The following KIAA0753 variants were observed in gnomAD, a reference collection of about 807,000 sequenced individuals.
KIAA0753 encodes KIAA0753, also known as protein moonraker.
KIAA0753 carries 114 observed loss-of-function variants against 116.9 expected under a neutral mutation model. The ratio of observed to expected loss-of-function variants is 0.98; its 90% CI spans 0.84 to 1.14. The LOEUF (loss-of-function observed/expected upper bound fraction) is 1.14, where lower values mean the gene tolerates loss of function less well. Ranked by LOEUF, KIAA0753 falls within the 50% of genes most tolerant of loss-of-function variation. KIAA0753 has a pLI of 0.00. For synonymous variants in KIAA0753, 405 were observed against 413.1 expected, an observed-to-expected ratio of 0.98 and a Z score of 0.24; for missense variants, 1,156 against 1,172.4, an observed-to-expected ratio of 0.99 and a Z score of 0.20.
At chr17:6,597,578 C>T (rs1336999430) in intron 14 of KIAA0753, among the ~76,000 whole-genome samples, 1 of 152,102 alleles carries the variant, frequency 6.6e-6, no homozygotes, top group East Asian at 1.9e-4. Flanking sequence ...AAAATTTTGG[C>T]CATGTGTATG....
At chr17:6,605,688 G>C (rs922951677) in intron 12 of KIAA0753, among the ~76,000 whole-genome samples, 9 of 151,988 alleles carry the variant, frequency 5.9e-5, no homozygotes, top group Admixed American at 2.0e-4. Context: ...ATCAACACAA[G>C]AATCAGGACA....
At chr17:6,635,784 AG>A (rs138869051) in intron 1 of KIAA0753, 12,773 of 152,268 alleles carry the variant, frequency 0.084, 584 homozygotes, top group Non-Finnish European at 0.11. Flanking sequence ...TAAGCTATCA[AG>A]GGCTACACCC....
chr17:6,623,779 T>C (rs1192178574), intron 4 of KIAA0753: 11 of 527,952 alleles, frequency 2.1e-5, no homozygotes, highest in Non-Finnish European at 3.0e-5. Flanking sequence ...GTGTTCACCT[T>C]CCATCCCTTC....
chr17:6,582,027 T>C (rs923755298), intron 18 of KIAA0753, among the ~76,000 whole-genome samples: 49 of 152,332 alleles, frequency 3.2e-4, no homozygotes, highest in Admixed American at 2.4e-3. Flanking sequence ...GCACCTCTGC[T>C]TCTGGGCCTT....
intron 7 of KIAA0753, 44 bp downstream of exon 7, chr17:6,620,744 G>GT: frequency 6.3e-7 from 1 of 1,579,814 alleles, no homozygotes. Flanking sequence ...CCAGATAATT[G>GT]TAATGAATAA....
intron 8 of KIAA0753, among the ~76,000 whole-genome samples, chr17:6,611,585 C>G (rs1369026840): frequency 6.6e-6 from 1 of 152,122 alleles, no homozygotes. Context: ...AGACACCACA[C>G]CCGGCAGGAA....
In KIAA0753 at chr17:6,578,368, A is replaced by G. The variant is rs991064269; in HGVS notation, c.*1379T>C. 1 of 152,196 alleles carries G rather than the reference A, an allele frequency of 6.6e-6. No homozygotes were observed. Among genetic ancestry groups the G allele is most frequent in the Non-Finnish European group, 1.5e-5 (1 of 68,032 alleles). The allele number at this position is 152,196 out of a possible 1,614,324, so 9.4% of individuals were successfully genotyped here. On this transcript the variant is annotated 3_prime_UTR_variant, in exon 19 of 19. Coordinates refer to ENST00000361413, the MANE Select transcript of KIAA0753 (RefSeq NM_014804.3). ...TTATTTTAAAAACTCAGCACAGTAC[A>G]AACTGCCACACAAATTACTTTATAC...
chr17:6,587,616 A>G (rs1440538021), intron 18 of KIAA0753, among the ~76,000 whole-genome samples: 3 of 152,226 alleles, frequency 2.0e-5, no homozygotes, highest in Non-Finnish European at 4.4e-5. Flanking sequence ...AGTCGCGTTT[A>G]CTTCTTCTCT....
intron 12 of KIAA0753, among the ~76,000 whole-genome samples, chr17:6,605,088 GAAAAA>G (rs35631503): frequency 1.3e-5 from 1 of 75,830 alleles, no homozygotes; most frequent in East Asian, 3.5e-4. Flanking sequence ...TCTCTAACTT[GAAAAA>G]AAAAAAAAAA....
At chr17:6,626,120 T>C (rs747855243) in intron 3 of KIAA0753, among the ~76,000 whole-genome samples, 20 of 152,246 alleles carry the variant, frequency 1.3e-4, no homozygotes, top group Admixed American at 3.9e-4. Flanking sequence ...TTGTACACAC[T>C]GGTACTCTAT....
At chr17:6,622,536 T>C (rs1192904978) in intron 6 of KIAA0753, among the ~76,000 whole-genome samples, 3 of 152,278 alleles carry the variant, frequency 2.0e-5, no homozygotes. Flanking sequence ...ACACTGATAT[T>C]CTAATCTAAG....
At chr17:6,587,022 G>A (rs914777063) in intron 18 of KIAA0753, among the ~76,000 whole-genome samples, 2 of 152,086 alleles carry the variant, frequency 1.3e-5, no homozygotes, top group African/African-American at 4.8e-5. Flanking sequence ...ATCACCTGAG[G>A]TTATGAGTTC....
intron 3 of KIAA0753, among the ~76,000 whole-genome samples, chr17:6,626,197 A>C (rs1971655936): frequency 6.6e-6 from 1 of 151,530 alleles, no homozygotes; most frequent in African/African-American, 2.4e-5. Flanking sequence ...CAATCTATCT[A>C]TTCCTTCCAG....
intron 10 of KIAA0753, 115 bp downstream of exon 10, chr17:6,608,233 T>C: frequency 2.1e-6 from 1 of 472,386 alleles, no homozygotes; most frequent in East Asian, 3.3e-5. Context: ...TTAAAAATAA[T>C]CTACATTTTA....
chr17:6,606,605 G>C (rs1156272950), intron 12 of KIAA0753, among the ~76,000 whole-genome samples: 1 of 152,242 alleles, frequency 6.6e-6, no homozygotes, highest in East Asian at 1.9e-4. Context: ...TACCTTTGAG[G>C]GTAGTCCAAA....
chr17:6,638,620 CT>C, intron 1 of KIAA0753: 1 of 154,072 alleles, frequency 6.5e-6, no homozygotes, highest in Non-Finnish European at 1.4e-5. Context: ...AGCCTGCCTC[CT>C]TTCCCACGGG....
chr17:6,638,767 A>G (rs1972487554), intron 1 of KIAA0753: 1 of 152,868 alleles, frequency 6.5e-6, no homozygotes, highest in African/African-American at 2.4e-5. Context: ...GGCTCCAGGT[A>G]CCACCACAGC....
At chr17:6,628,899 C>G (rs1455288129) in intron 2 of KIAA0753, among the ~76,000 whole-genome samples, 158 bp from the exon 3 acceptor site, 1 of 152,152 alleles carries the variant, frequency 6.6e-6, no homozygotes, top group Admixed American at 6.5e-5. Flanking sequence ...GCTCCTACAC[C>G]CTTGGGTTCA....
intron 13 of KIAA0753, 49 bp downstream of exon 13, chr17:6,600,331 A>C: frequency 7.0e-7 from 1 of 1,430,730 alleles, no homozygotes; most frequent in Middle Eastern, 1.8e-4. Context: ...CTCATTTTAA[A>C]TCCAGGACTT....
Sources: gnomAD v4.1 joint callset for allele counts (sites outside exome capture counted in the v4.1 genomes callset) on GRCh38, gnomAD v4.1.1 for gene constraint, MANE v1.5 for transcripts, NCBI Gene and HGNC (gene_info 2026-07-23, HGNC 2026-07-21) for gene names.